Variants in SIRPA observed in about 807,000 individuals in gnomAD.
SIRPA encodes signal regulatory protein alpha.
A neutral mutation model predicts 50.3 loss-of-function variants in SIRPA; 9 were observed. The observed-to-expected ratio is 0.18, with a 90% CI of 0.11 to 0.31. The LOEUF (loss-of-function observed/expected upper bound fraction) is 0.31, where lower values mean the gene tolerates loss of function less well. Ranked by LOEUF, SIRPA falls within the 10% of genes least tolerant of loss-of-function variation. SIRPA has a pLI of 1.00. For synonymous variants in SIRPA, 265 were observed against 284.1 expected (o/e 0.93, Z 0.68); for missense variants, 474 against 661.6 (o/e 0.72, Z 3.11).
intron 1 of SIRPA, among the ~76,000 whole-genome samples, chr20:1,910,305 C>T (rs762972562): frequency 1.1e-4 from 16 of 151,822 alleles, no homozygotes; most frequent in Non-Finnish European, 1.5e-4. Context: ...GTGCTGACTG[C>T]TCCCCTTAGG....
At position 1,898,372 on chromosome 20, in the gene SIRPA, C is replaced by T. The variant is rs6111899; in HGVS notation, c.79+2846C>T. On this transcript the variant is annotated intron_variant, in intron 1 of 7. Coordinates refer to ENST00000358771, the MANE Select transcript of SIRPA (RefSeq NM_001040023.2). The surrounding 1 kb of genome is among the most constrained non-coding windows in gnomAD (Gnocchi z 4.3). ...CCTTTACCAACCCCTCGGAAACTCA[C>T]GGTAATTCACGTCTGTACTTGCAGT... Among the ~76,000 whole-genome samples the T allele has an allele frequency of 6.3e-3, 954 of 152,312 alleles. 9 individuals carry two copies. The highest frequency in any genetic ancestry group is 0.021 in the African/African-American group (881 of 41,566).
rs776219453 is a variant in SIRPA, at chr20:1,921,506, A to G, written c.548A>G (p.Lys183Arg). The G allele has an allele frequency of 1.2e-5, 19 of 1,613,912 alleles. No individual in the cohort carries two copies. The highest frequency in any genetic ancestry group is 1.4e-5 in the Non-Finnish European group (17 of 1,179,950). The change falls in exon 3 of 8, where the codon AAA (lysine) becomes AGA (arginine). Residue 183 changes from lysine (K) to arginine (R), a missense_variant. Transcript: ENST00000358771. ...TTCTCACCCAGAGACATCACCCTGA[A>G]ATGGTTCAAAAATGGGAATGAGCTC... ...HGFSPRDITL[K>R]WFKNGNELSD...
In SIRPA at chr20:1,895,581, T is replaced by C. The variant is rs1320297124; in HGVS notation, c.79+55T>C. The stretch of plus-strand genomic sequence containing the variant: ...ACTCCCCAAACTGCGGGCTCAGGCC[T>C]CTCAGACTGGCACTGGGACCCCTTC... On this transcript the variant is annotated intron_variant, in intron 1 of 7. Transcript: ENST00000358771. 7 of 1,296,134 alleles carry C rather than the reference T, an allele frequency of 5.4e-6. No homozygotes were observed. In the African/African-American group the frequency reaches 9.4e-5, roughly 17 times the overall value. 80.3% of individuals were successfully genotyped at this position (1,296,134 alleles called of 1,614,324 possible).
intron 5 of SIRPA, among the ~76,000 whole-genome samples, chr20:1,926,600 G>A (rs1449599843): frequency 6.6e-6 from 1 of 152,238 alleles, no homozygotes; most frequent in East Asian, 1.9e-4. Flanking sequence ...CAGTTCCAAT[G>A]TGCCAGGCAC....
upstream of SIRPA, chr20:1,895,398 C>T: frequency 8.8e-7 from 1 of 1,139,780 alleles, no homozygotes; most frequent in Non-Finnish European, 1.2e-6. Flanking sequence ...TGCTCCCGCC[C>T]GAGCGCGCAC....
At chr20:1,894,998 C>G (rs1471537844), upstream of SIRPA, among the ~76,000 whole-genome samples, 1 of 147,894 alleles carries the variant, frequency 6.8e-6, no homozygotes, top group Non-Finnish European at 1.5e-5. This position sits in a 1 kb window ranked among gnomAD's most constrained non-coding sequence, Gnocchi z 4.0. Context: ...TCCGCGCGGC[C>G]GGGCTCGGCC....
In SIRPA at chr20:1,903,011, C is replaced by CAA. The variant is rs58735842; in HGVS notation, c.79+7505_79+7506dup. Among the ~76,000 whole-genome samples the CAA allele has an allele frequency of 4.6e-3, 415 of 90,750 alleles. 17 individuals are homozygous for CAA. Among genetic ancestry groups the CAA allele is most frequent in the African/African-American group, 0.016 (378 of 23,664 alleles). 59.5% of individuals were successfully genotyped at this position (90,750 alleles called of 152,430 possible). A position where few individuals can be genotyped will look rare whatever the true frequency, so the allele number is the denominator to read the frequency against. ...TGGGTGACAGAGCAAGACTCTGTCT[C>CAA]AAAAAAAAAAAAAAAAAAAAAGAAA... On this transcript the variant is annotated intron_variant, in intron 1 of 7. Coordinates refer to ENST00000358771, the MANE Select transcript of SIRPA (RefSeq NM_001040023.2).
intron 6 of SIRPA, among the ~76,000 whole-genome samples, chr20:1,929,838 A>G (rs1229165038): frequency 6.6e-6 from 1 of 152,078 alleles, no homozygotes; most frequent in East Asian, 1.9e-4. Flanking sequence ...TTGCCAAAAA[A>G]CCTTCAGTGG....
chr20:1,911,312 C>T (rs1212232963), intron 1 of SIRPA, among the ~76,000 whole-genome samples: 1 of 152,196 alleles, frequency 6.6e-6, no homozygotes, highest in Non-Finnish European at 1.5e-5. Flanking sequence ...TTTCTTCACT[C>T]ATATTTTTAC....
At chr20:1,902,707 GC>G (rs1984294312) in intron 1 of SIRPA, among the ~76,000 whole-genome samples, 1 of 152,110 alleles carries the variant, frequency 6.6e-6, no homozygotes, top group Non-Finnish European at 1.5e-5. Context: ...AGGAGCAGAG[GC>G]CTCAAGAAAA....
In SIRPA at chr20:1,928,664, A is replaced by G. The variant is rs1350590764; in HGVS notation, c.1226+765A>G. Among the ~76,000 whole-genome samples, 1 of 152,092 alleles carries G rather than the reference A, an allele frequency of 6.6e-6. No individual in the cohort carries two copies. The highest frequency in any genetic ancestry group is 2.4e-5 in the African/African-American group (1 of 41,412). On this transcript the variant is annotated intron_variant, in intron 6 of 7. Coordinates refer to ENST00000358771, the MANE Select transcript of SIRPA (RefSeq NM_001040023.2). This position sits in a 1 kb window ranked among gnomAD's most constrained non-coding sequence, Gnocchi z 4.9. Reference sequence around the variant, plus strand: ...GGGGCTGTCTTAGGCAGAGGAAGGGACTGCCTCTGAAAAGGGGATGCAAAC... The same window carrying G: ...GGGGCTGTCTTAGGCAGAGGAAGGGGCTGCCTCTGAAAAGGGGATGCAAAC...
intron 1 of SIRPA, among the ~76,000 whole-genome samples, chr20:1,909,327 C>T (rs907051679): frequency 4.6e-5 from 7 of 152,230 alleles, no homozygotes; most frequent in South Asian, 2.1e-4. Context: ...CAGTGAGCAC[C>T]CGCCTGGGCA....
intron 1 of SIRPA, among the ~76,000 whole-genome samples, chr20:1,906,443 G>A (rs189450205): frequency 9.2e-5 from 14 of 152,334 alleles, no homozygotes; most frequent in Non-Finnish European, 1.8e-4. Context: ...GAGGTGGGTA[G>A]TATTTTAGAC....
At chr20:1,925,663 A>G (rs1436227648) in intron 5 of SIRPA, among the ~76,000 whole-genome samples, 1 of 152,144 alleles carries the variant, frequency 6.6e-6, no homozygotes, top group Non-Finnish European at 1.5e-5. Context: ...TATACTGTAA[A>G]CAATCAATTT....
rs574307644 is a variant in SIRPA at position 1,914,417 on chromosome 20, C to CT, written c.80-681dup. Among the ~76,000 whole-genome samples the CT allele has an allele frequency of 9.9e-5, 15 of 152,222 alleles. No individual in the cohort carries two copies. In the South Asian group the frequency reaches 3.1e-3, roughly 32 times the overall value. ...ATCCATCGAGGTGGGGTCATAGTAA[C>CT]TATTTTACAGATGAAGAAACCAAGG... is the stretch of plus-strand genomic sequence containing the variant. On this transcript the variant is annotated intron_variant, in intron 1 of 7. Transcript: ENST00000358771.
At chr20:1,913,211 G>C (rs1985010072) in intron 1 of SIRPA, among the ~76,000 whole-genome samples, 2 of 152,216 alleles carry the variant, frequency 1.3e-5, no homozygotes, top group South Asian at 4.1e-4. Flanking sequence ...AGTGGTCTTA[G>C]GCACTCTGAG....
At chr20:1,916,547 A>G (rs140613660) in intron 2 of SIRPA, among the ~76,000 whole-genome samples, 216 of 152,336 alleles carry the variant, frequency 1.4e-3, no homozygotes, top group African/African-American at 5.1e-3. Context: ...TCAGTTTCCT[A>G]AAGGTTCAGA....
rs1220530460 is a variant in SIRPA at position 1,936,851 on chromosome 20, G to C, written c.1267-469G>C. On this transcript the variant is annotated intron_variant, in intron 7 of 7. Coordinates refer to ENST00000358771, the MANE Select transcript of SIRPA (RefSeq NM_001040023.2). The surrounding 1 kb of genome is among the most constrained non-coding windows in gnomAD (Gnocchi z 4.2). ...TGGAAAACAAACATGGGCTGAGGAA[G>C]CACAAAGAAGGAACATGGACCCTGC... Among the ~76,000 whole-genome samples, 3 of 152,208 alleles carry C rather than the reference G, an allele frequency of 2.0e-5. No homozygotes were observed. Among genetic ancestry groups the C allele is most frequent in the African/African-American group, 7.2e-5 (3 of 41,446 alleles).
rs1983967193 is a variant in SIRPA at position 1,898,556 on chromosome 20, C to G, written c.79+3030C>G. ...GGCTCTTCTCCCCATTCTGCAGATG[C>G]AGAAAATCGAGTCCCAAACTGGGGA... On this transcript the variant is annotated intron_variant, in intron 1 of 7. Coordinates refer to ENST00000358771, the MANE Select transcript of SIRPA (RefSeq NM_001040023.2). This position sits in a 1 kb window ranked among gnomAD's most constrained non-coding sequence, Gnocchi z 4.3. Among the ~76,000 whole-genome samples, 1 of 152,100 alleles carries G rather than the reference C, an allele frequency of 6.6e-6. No homozygotes were observed. Among genetic ancestry groups the G allele is most frequent in the Admixed American group, 6.6e-5 (1 of 15,262 alleles).
Sources: gnomAD v4.1 joint callset for allele counts (sites outside exome capture counted in the v4.1 genomes callset) on GRCh38, gnomAD v4.1.1 for gene constraint, Gnocchi (gnomAD v3.1) non-coding constraint, MANE v1.5 for transcripts, NCBI Gene and HGNC (gene_info 2026-07-23, HGNC 2026-07-21) for gene names.